Variants in DAB1 observed in about 807,000 individuals in gnomAD.
The protein encoded by DAB1 is DAB adaptor protein 1, also known as disabled homolog 1.
In DAB1, 15 loss-of-function variants were observed where a neutral mutation model predicts 64.6. The ratio of observed to expected loss-of-function variants is 0.23; its 90% CI spans 0.16 to 0.36. DAB1 has a LOEUF of 0.36. DAB1 is among the 10% of genes least tolerant of loss of function. DAB1 has a pLI of 1.00. For synonymous variants in DAB1, 235 were observed against 251.9 expected (o/e 0.93, Z 0.64); for missense variants, 596 against 706.7 (o/e 0.84, Z 1.78).
intron 6 of DAB1, among the ~76,000 whole-genome samples, chr1:57,677,256 C>T (rs1341164388): frequency 6.6e-6 from 1 of 152,208 alleles, no homozygotes; most frequent in African/African-American, 2.4e-5. Flanking sequence ...AAATGGCTGT[C>T]TTAAGCCACC....
chr1:57,910,027 G>C (rs1297837615), intron 5 of DAB1, among the ~76,000 whole-genome samples: 1 of 152,160 alleles, frequency 6.6e-6, no homozygotes. Context: ...CTCATAAATA[G>C]GACAGCTGAC....
chr1:58,228,610 A>T, intron 4 of DAB1: 1 of 654,886 alleles, frequency 1.5e-6, no homozygotes, highest in Non-Finnish European at 2.5e-6. Flanking sequence ...CTTGGGACCC[A>T]GATATGCCCC....
chr1:57,174,162 C>T (rs903373980), intron 2 of DAB1, among the ~76,000 whole-genome samples: 3 of 152,162 alleles, frequency 2.0e-5, no homozygotes, highest in Non-Finnish European at 4.4e-5. Flanking sequence ...TCTTGCCCCA[C>T]AATTCCTATC....
At chr1:58,409,306 A>G (rs1014407793) in intron 3 of DAB1, among the ~76,000 whole-genome samples, 3 of 152,194 alleles carry the variant, frequency 2.0e-5, no homozygotes, top group East Asian at 3.8e-4. Context: ...TGAACCTCAT[A>G]CAGGTGAAGT....
intron 7 of DAB1, among the ~76,000 whole-genome samples, chr1:57,606,677 ATATTATG>A (rs1291500295): frequency 8.6e-4 from 62 of 71,680 alleles, no homozygotes; most frequent in African/African-American, 2.7e-3. Context: ...TATGAAATAT[ATATTATG>A]TATGAAATAT....
intron 2 of DAB1, among the ~76,000 whole-genome samples, chr1:57,216,432 A>G (rs988075196): frequency 6.6e-6 from 1 of 152,196 alleles, no homozygotes; most frequent in African/African-American, 2.4e-5. Flanking sequence ...CCTATAAAGT[A>G]CGGGAAAAGT....
At chr1:57,365,310 C>T (rs1331101081) in intron 1 of DAB1, among the ~76,000 whole-genome samples, 1 of 133,676 alleles carries the variant, frequency 7.5e-6, no homozygotes, top group African/African-American at 2.8e-5. Flanking sequence ...AATACATAAA[C>T]ATATATTTAT....
intron 3 of DAB1, among the ~76,000 whole-genome samples, chr1:58,432,455 A>G (rs949117208): frequency 7.2e-5 from 11 of 152,262 alleles, no homozygotes; most frequent in African/African-American, 2.6e-4. Flanking sequence ...TTCCTCACAA[A>G]TACTGGTTGA....
At chr1:57,220,716 C>A (rs1346306196) in intron 2 of DAB1, among the ~76,000 whole-genome samples, 3 of 152,154 alleles carry the variant, frequency 2.0e-5, no homozygotes, top group Admixed American at 2.0e-4. Flanking sequence ...CATCTCACAC[C>A]AGTTAGAATG....
At chr1:58,072,629 T>C (rs1649348413) in intron 5 of DAB1, among the ~76,000 whole-genome samples, 1 of 152,232 alleles carries the variant, frequency 6.6e-6, no homozygotes, top group Non-Finnish European at 1.5e-5. Context: ...AACTATCCTG[T>C]CTCATTTTTT....
chr1:57,953,616 G>A (rs1645323691), intron 5 of DAB1, among the ~76,000 whole-genome samples: 1 of 152,118 alleles, frequency 6.6e-6, no homozygotes, highest in Admixed American at 6.5e-5. Flanking sequence ...CTTCCAGATT[G>A]CTTTTCCATT....
intron 2 of DAB1, among the ~76,000 whole-genome samples, chr1:57,189,163 G>T (rs1365328557): frequency 6.6e-6 from 1 of 152,070 alleles, no homozygotes; most frequent in Non-Finnish European, 1.5e-5. Context: ...CTTGCAATCT[G>T]ATTTTCCACC....
At chr1:57,070,267 G>A (rs989558745) in intron 7 of DAB1, among the ~76,000 whole-genome samples, 2 of 152,196 alleles carry the variant, frequency 1.3e-5, no homozygotes, top group South Asian at 2.1e-4. Context: ...AGTTAGAAGT[G>A]TAAGTTCAAG....
chr1:57,933,521 T>A (rs1340943430), intron 5 of DAB1, among the ~76,000 whole-genome samples: 1 of 152,236 alleles, frequency 6.6e-6, no homozygotes, highest in Non-Finnish European at 1.5e-5. Flanking sequence ...TCACTCAGCA[T>A]AATATTTTTG....
chr1:58,282,046 G>A (rs1202884438), intron 4 of DAB1, among the ~76,000 whole-genome samples: 1 of 151,974 alleles, frequency 6.6e-6, no homozygotes, highest in East Asian at 1.9e-4. Flanking sequence ...CTCTGCTACA[G>A]CTATACAGAG....
intron 9 of DAB1, among the ~76,000 whole-genome samples, chr1:57,037,886 T>C (rs1351178302): frequency 6.6e-6 from 1 of 152,236 alleles, no homozygotes; most frequent in Non-Finnish European, 1.5e-5. Context: ...ACCAGCCCTG[T>C]CCAATAGAAC....
chr1:58,268,693 C>G (rs1392605063), intron 4 of DAB1, among the ~76,000 whole-genome samples: 1 of 152,044 alleles, frequency 6.6e-6, no homozygotes, highest in Non-Finnish European at 1.5e-5. Flanking sequence ...TAAATACTGC[C>G]CAGAGCAACC....
At chr1:58,160,523 A>G (rs1655479848) in intron 4 of DAB1, among the ~76,000 whole-genome samples, 1 of 152,144 alleles carries the variant, frequency 6.6e-6, no homozygotes, top group South Asian at 2.1e-4. Flanking sequence ...ACTTGGGCTG[A>G]GTTGCAATTC....
In DAB1 at chr1:57,695,380, GAAAGAAAGAAAGAAAGAAAGA is replaced by G. The variant is rs1557427842; in HGVS notation, n.552-45736_552-45716del. Among the ~76,000 whole-genome samples the G allele has an allele frequency of 4.5e-3, 313 of 70,122 alleles. 18 individuals are homozygous for G. Among genetic ancestry groups the G allele is most frequent in the African/African-American group, 0.016 (290 of 18,252 alleles). 46.0% of individuals were successfully genotyped at this position (70,122 alleles called of 152,430 possible). A position where few individuals can be genotyped will look rare whatever the true frequency, so the allele number is the denominator to read the frequency against. ...AAGAAAGAAGAAAGAAAGAAAGAAA[GAAAGAAAGAAAGAAAGAAAGA>G]AAGAAAGAAAGAAAGAAAGAAAGAA... is the stretch of plus-strand genomic sequence containing the variant. On this transcript the variant is annotated intron_variant and non_coding_transcript_variant, in intron 6 of 20. Coordinates refer to the DAB1 transcript ENST00000485760.
Sources: allele counts gnomAD v4.1 joint callset (sites outside exome capture counted in the v4.1 genomes callset), GRCh38; gene constraint gnomAD v4.1.1; transcripts MANE v1.5; gene names NCBI Gene and HGNC (gene_info 2026-07-23, HGNC 2026-07-21).